MYO1D: variants seen among roughly 807,000 people sequenced by gnomAD.
MYO1D encodes myosin ID.
MYO1D carries 83 observed loss-of-function variants against 122.0 expected under a neutral mutation model. The observed-to-expected ratio is 0.68, with a 90% CI of 0.57 to 0.82. MYO1D has a LOEUF of 0.82. Among genes scored for constraint, MYO1D ranks in the 40% least tolerant of loss-of-function variants. The pLI, the probability that MYO1D is intolerant of heterozygous loss-of-function variation, is 0.00. For synonymous variants in MYO1D, 464 were observed against 446.9 expected (o/e 1.04, Z -0.48); for missense variants, 1,157 against 1,269.5 (o/e 0.91, Z 1.35).
intron 16 of MYO1D, among the ~76,000 whole-genome samples, chr17:32,680,677 G>A (rs1222068946): frequency 1.3e-5 from 2 of 150,988 alleles, no homozygotes; most frequent in African/African-American, 4.9e-5. Flanking sequence ...ATTTTATTGA[G>A]GATTTTTGCA....
intron 16 of MYO1D, among the ~76,000 whole-genome samples, chr17:32,701,094 AAG>A (rs2089243178): frequency 6.6e-6 from 1 of 152,174 alleles, no homozygotes; most frequent in African/African-American, 2.4e-5. Context: ...AAGAAATGGT[AAG>A]AGGGAATGAC....
At chr17:32,771,479 T>C (rs2090112290) in intron 5 of MYO1D, among the ~76,000 whole-genome samples, 1 of 152,236 alleles carries the variant, frequency 6.6e-6, no homozygotes, top group Admixed American at 6.5e-5. Context: ...ATAACTGGCA[T>C]AAAAGTTTCT....
intron 14 of MYO1D, among the ~76,000 whole-genome samples, chr17:32,731,482 G>A (rs1033015186): frequency 1.3e-5 from 2 of 152,066 alleles, no homozygotes; most frequent in Non-Finnish European, 2.9e-5. Flanking sequence ...AAGTTTTCAT[G>A]AGTCTGAACC....
At chr17:32,572,150 C>A (rs920053523) in intron 21 of MYO1D, among the ~76,000 whole-genome samples, 1 of 141,252 alleles carries the variant, frequency 7.1e-6, no homozygotes, top group Non-Finnish European at 1.5e-5. Flanking sequence ...TTTGTTCCAT[C>A]AACAAGAAAC....
intron 16 of MYO1D, among the ~76,000 whole-genome samples, chr17:32,667,667 C>T (rs1199415711): frequency 6.6e-6 from 1 of 152,208 alleles, no homozygotes; most frequent in African/African-American, 2.4e-5. Flanking sequence ...TTGGTATGTG[C>T]TTGGTGGAAC....
intron 1 of MYO1D, among the ~76,000 whole-genome samples, chr17:32,822,906 C>A (rs564125285): frequency 2.0e-5 from 3 of 152,160 alleles, no homozygotes; most frequent in Admixed American, 2.0e-4. Flanking sequence ...GGGTGCAGCA[C>A]ACCAACATGG....
At chr17:32,536,108 C>G (rs139873859) in intron 21 of MYO1D, among the ~76,000 whole-genome samples, 1,541 of 152,166 alleles carry the variant, frequency 0.01, 25 homozygotes, top group African/African-American at 0.036. Context: ...TCTTGGCTCA[C>G]TGCAACCTCC....
chr17:32,608,786 G>C (rs2087662409), intron 20 of MYO1D, among the ~76,000 whole-genome samples: 1 of 152,106 alleles, frequency 6.6e-6, no homozygotes. Context: ...AACAAACTGT[G>C]GTACATTTAA....
chr17:32,799,045 A>T (rs1254814969), intron 1 of MYO1D, among the ~76,000 whole-genome samples: 2 of 152,206 alleles, frequency 1.3e-5, no homozygotes, highest in African/African-American at 2.4e-5. Flanking sequence ...GACAAACATG[A>T]TTTGGATAAT....
chr17:32,778,371 C>T lies in MYO1D; in HGVS notation c.398+109G>A, dbSNP rs958511755. The T allele has an allele frequency of 4.4e-6, 4 of 913,670 alleles. No homozygotes were observed. The African/African-American group carries it at 6.6e-5, about 15-fold the overall frequency. 56.6% of individuals were successfully genotyped at this position (913,670 alleles called of 1,614,324 possible). A position where few individuals can be genotyped will look rare whatever the true frequency, so the allele number is the denominator to read the frequency against. On this transcript the variant is annotated intron_variant, in intron 3 of 21. Transcript: ENST00000318217. ...GCTTAATCATCAAAAAATGCTCAGC[C>T]CATAGGTTTAGACCCCCAAAATGCT... is the stretch of plus-strand genomic sequence containing the variant.
Position 32,659,056 on chromosome 17 carries a change from T to C in MYO1D, c.2345+59A>G. On this transcript the variant is annotated intron_variant, in intron 17 of 21. Coordinates refer to ENST00000318217, the MANE Select transcript of MYO1D (RefSeq NM_015194.3). ...ATATCACGGTCTCAGACTTGTGACT[T>C]TGCATAGTATTAACTGTGCCACCAT... 16 of 1,458,412 alleles carry C rather than the reference T, an allele frequency of 1.1e-5. No homozygotes were observed. The South Asian group carries it at 1.6e-4, about 15-fold the overall frequency. The allele number at this position is 1,458,412 out of a possible 1,614,324, so 90.3% of individuals were successfully genotyped here.
intron 1 of MYO1D, among the ~76,000 whole-genome samples, chr17:32,811,789 G>A (rs1467559971): frequency 1.3e-5 from 2 of 151,976 alleles, no homozygotes; most frequent in African/African-American, 4.8e-5. Flanking sequence ...TCATTGATGA[G>A]ATTAGGAAGC....
chr17:32,585,467 T>C (rs1964627), intron 21 of MYO1D, among the ~76,000 whole-genome samples: 96,738 of 152,088 alleles, frequency 0.64, 31,420 homozygotes, highest in African/African-American at 0.74. Context: ...CAGTGGCTCA[T>C]GCCTGTAATC....
At position 32,605,085 on chromosome 17, in the gene MYO1D, A is replaced by C; in HGVS notation, c.2864+2T>G. Reference sequence around the variant, plus strand: ...GTCTTAGTTACAAAAATCAAACTTTACCTCTTGAAATGATTCACCAGCACT... The same window carrying C: ...GTCTTAGTTACAAAAATCAAACTTTCCCTCTTGAAATGATTCACCAGCACT... On this transcript the variant is annotated splice_donor_variant, in intron 21 of 21. Coordinates refer to ENST00000318217, the MANE Select transcript of MYO1D (RefSeq NM_015194.3). LOFTEE classifies it high-confidence loss of function. The C allele has an allele frequency of 6.4e-7, 1 of 1,573,638 alleles. No homozygotes were observed. Among genetic ancestry groups the C allele is most frequent in the Non-Finnish European group, 8.7e-7 (1 of 1,150,694 alleles).
At chr17:32,562,167 T>C (rs1231844198) in intron 21 of MYO1D, among the ~76,000 whole-genome samples, 2 of 152,124 alleles carry the variant, frequency 1.3e-5, no homozygotes, top group African/African-American at 2.4e-5. Context: ...AGTAAGTTTT[T>C]GTATTTTTTT....
chr17:32,679,631 G>A (rs1172976606), intron 16 of MYO1D, among the ~76,000 whole-genome samples: 1 of 152,086 alleles, frequency 6.6e-6, no homozygotes, highest in African/African-American at 2.4e-5. Context: ...CTCTGTTTTG[G>A]TACCAGTACC....
In MYO1D at chr17:32,671,598, G is replaced by T. The variant is rs1281886206; in HGVS notation, c.2122-12260C>A. ...TTAACAATTTTACATAAGCAAGAGT[G>T]GTCATTATACCTTTTTTAAAAATTT... On this transcript the variant is annotated intron_variant, in intron 16 of 21. Coordinates refer to ENST00000318217, the MANE Select transcript of MYO1D (RefSeq NM_015194.3). 2.0e-5 allele frequency among the ~76,000 whole-genome samples: 3 copies of T among 152,148 alleles called. No individual in the cohort carries two copies. The East Asian group carries it at 5.8e-4, about 29-fold the overall frequency.
chr17:32,777,193 G>C lies in MYO1D; in HGVS notation c.399-1164C>G, dbSNP rs182233539. On this transcript the variant is annotated intron_variant, in intron 3 of 21. Coordinates refer to ENST00000318217, the MANE Select transcript of MYO1D (RefSeq NM_015194.3). ...ACATATCCCTGTCCTTGTCAAACTAGATTGTAAAGTCAGAGTAAGAAGGAG... is the reference window on the plus strand; with the variant it reads ...ACATATCCCTGTCCTTGTCAAACTACATTGTAAAGTCAGAGTAAGAAGGAG... Among the ~76,000 whole-genome samples, 14 of 152,224 alleles carry C rather than the reference G, an allele frequency of 9.2e-5. No individual in the cohort carries two copies. The East Asian group carries it at 2.7e-3, about 29-fold the overall frequency.
At chr17:32,657,892 A>G (rs907249226) in intron 17 of MYO1D, among the ~76,000 whole-genome samples, 55 of 152,254 alleles carry the variant, frequency 3.6e-4, no homozygotes, top group African/African-American at 1.3e-3. Flanking sequence ...AGCTCTTAAA[A>G]TCTTACACAG....
Sources: allele counts gnomAD v4.1 joint callset (sites outside exome capture counted in the v4.1 genomes callset), GRCh38; gene constraint gnomAD v4.1.1; transcripts MANE v1.5; gene names NCBI Gene and HGNC (gene_info 2026-07-23, HGNC 2026-07-21).